The following FLNB variants were observed in gnomAD, a reference collection of about 807,000 sequenced individuals.
FLNB encodes filamin B, also known as filamin-B.
Under a neutral mutation model 250.6 loss-of-function variants are expected in FLNB, and 111 were observed. That is an observed-to-expected ratio of 0.44 (90% CI 0.38 to 0.52). FLNB has a LOEUF of 0.52. Ranked by LOEUF, FLNB falls within the 20% of genes least tolerant of loss-of-function variation. FLNB has a pLI of 0.00. For synonymous variants in FLNB, 1,302 were observed against 1,372.1 expected, an observed-to-expected ratio of 0.95 and a Z score of 1.13; for missense variants, 2,869 against 3,447.8, an observed-to-expected ratio of 0.83 and a Z score of 4.20.
At chr3:58,011,213 G>T (rs529451568) in intron 1 of FLNB, among the ~76,000 whole-genome samples, 1 of 152,052 alleles carries the variant, frequency 6.6e-6, no homozygotes, top group East Asian at 1.9e-4. Context: ...CGCCCAGCCC[G>T]GTCCTCCTTT....
intron 28 of FLNB, among the ~76,000 whole-genome samples, chr3:58,137,229 G>A (rs1219977046): frequency 1.3e-5 from 2 of 152,218 alleles, no homozygotes; most frequent in East Asian, 3.8e-4. Context: ...CGGCAAGGTT[G>A]TGAATTGCTC....
At chr3:58,160,597 G>T (rs72884437) in intron 42 of FLNB, among the ~76,000 whole-genome samples, 3,581 of 152,306 alleles carry the variant, frequency 0.024, 141 homozygotes, top group African/African-American at 0.082. Flanking sequence ...CTCAGAGGAG[G>T]TGACATTTGA....
intron 4 of FLNB, among the ~76,000 whole-genome samples, chr3:58,090,600 G>T (rs969912694): frequency 1.3e-5 from 2 of 152,026 alleles, no homozygotes; most frequent in Admixed American, 1.3e-4. Context: ...GAATTTTTTG[G>T]CTCTATTTAT....
intron 1 of FLNB, among the ~76,000 whole-genome samples, chr3:58,064,007 T>C (rs1222353348): frequency 1.3e-5 from 2 of 152,168 alleles, no homozygotes. Context: ...TGTCTTGCCC[T>C]GTGGAGACAC....
chr3:58,086,462 CT>C (rs10706044), intron 4 of FLNB, among the ~76,000 whole-genome samples: 64,673 of 151,846 alleles, frequency 0.43, 15,270 homozygotes, highest in East Asian at 0.92. Flanking sequence ...TATTTCTAGC[CT>C]TTTTTCTATG....
chr3:58,099,066 C>T (rs534196340), intron 8 of FLNB, among the ~76,000 whole-genome samples, 158 bp downstream of exon 8: 59 of 152,236 alleles, frequency 3.9e-4, no homozygotes, highest in African/African-American at 1.4e-3. Flanking sequence ...ACTTTGTCCT[C>T]AATATATTAA....
intron 1 of FLNB, among the ~76,000 whole-genome samples, chr3:58,064,655 G>T (rs2097182998): frequency 6.6e-6 from 1 of 151,936 alleles, no homozygotes; most frequent in African/African-American, 2.4e-5. Context: ...GAATAGCTCT[G>T]TGCCAAGCAG....
intron 4 of FLNB, among the ~76,000 whole-genome samples, chr3:58,083,206 T>G (rs1254335531): frequency 6.6e-6 from 1 of 151,888 alleles, no homozygotes; most frequent in Non-Finnish European, 1.5e-5. Flanking sequence ...TATTTCTCTT[T>G]AGACTCTTTT....
At chr3:58,092,950 ACTAT>A (rs1423381060) in intron 4 of FLNB, among the ~76,000 whole-genome samples, 2 of 152,162 alleles carry the variant, frequency 1.3e-5, no homozygotes, top group Non-Finnish European at 2.9e-5. Context: ...CAATTCTGAC[ACTAT>A]CTACCTGAAG....
At chr3:58,113,016 T>G (rs965283687) in intron 18 of FLNB, among the ~76,000 whole-genome samples, 2 of 152,120 alleles carry the variant, frequency 1.3e-5, no homozygotes, top group South Asian at 4.2e-4. Context: ...TTAAAAACAT[T>G]AAAAAAAATT....
chr3:58,168,266 C>T (rs1026508489), intron 43 of FLNB, among the ~76,000 whole-genome samples, 174 bp from the exon 44 acceptor site: 10 of 152,230 alleles, frequency 6.6e-5, no homozygotes, highest in African/African-American at 1.9e-4. Flanking sequence ...GCCCCCACCC[C>T]GCAGGGCCTG....
In FLNB at chr3:58,169,566, G is replaced by A. The variant is rs1432446761; in HGVS notation, c.7418-24G>A. The stretch of plus-strand genomic sequence containing the variant: ...CCTCTTGATCTGGCCATTCATGCCT[G>A]TCCCCCTCCCTCCTGTATCTTAGGC... On this transcript the variant is annotated intron_variant, in intron 44 of 45. Transcript: ENST00000295956. This position sits in a 1 kb window ranked among gnomAD's most constrained non-coding sequence, Gnocchi z 4.8. 1 of 1,599,454 alleles carries A rather than the reference G, an allele frequency of 6.3e-7. No homozygotes were observed. The highest frequency in any genetic ancestry group is 8.6e-7 in the Non-Finnish European group (1 of 1,166,610).
Position 58,169,422 on chromosome 3 carries a change from T to C in FLNB, c.7418-168T>C. On this transcript the variant is annotated intron_variant, in intron 44 of 45. Transcript: ENST00000295956. This position sits in a 1 kb window ranked among gnomAD's most constrained non-coding sequence, Gnocchi z 4.8. The stretch of plus-strand genomic sequence containing the variant: ...TCCTAGTTGTATGGGGGTGGGATCC[T>C]AGGGGTTTAGAAGACATTATGGGTG... 1.5e-6 allele frequency: 1 copy of C among 668,596 alleles called. No individual in the cohort carries two copies. Among genetic ancestry groups the C allele is most frequent in the South Asian group, 1.6e-5 (1 of 63,768 alleles). The allele number at this position is 668,596 out of a possible 1,614,324, so 41.4% of individuals were successfully genotyped here. A position where few individuals can be genotyped will look rare whatever the true frequency, so the allele number is the denominator to read the frequency against.
At chr3:58,048,673 G>A (rs917189222) in intron 1 of FLNB, among the ~76,000 whole-genome samples, 1 of 152,158 alleles carries the variant, frequency 6.6e-6, no homozygotes, top group East Asian at 1.9e-4. Flanking sequence ...ATTGTAATTG[G>A]TAAGTAATCT....
intron 1 of FLNB, among the ~76,000 whole-genome samples, chr3:58,010,991 T>G (rs1235350192): frequency 6.6e-6 from 1 of 152,172 alleles, no homozygotes; most frequent in African/African-American, 2.4e-5. Context: ...CTCTGCTCAC[T>G]GCAACCTCCA....
At chr3:58,096,384 A>G (rs183146335) in intron 6 of FLNB, among the ~76,000 whole-genome samples, 166 bp downstream of exon 6, 6 of 152,354 alleles carry the variant, frequency 3.9e-5, no homozygotes, top group Non-Finnish European at 7.3e-5. Flanking sequence ...GATTCCCTCT[A>G]CTAGCTAGGA....
intron 18 of FLNB, among the ~76,000 whole-genome samples, chr3:58,116,624 G>A (rs1036612289): frequency 1.3e-5 from 2 of 152,306 alleles, no homozygotes; most frequent in African/African-American, 2.4e-5. Context: ...AGTAGAGCGC[G>A]TTTTGCCTTA....
rs1484291984 is a variant in FLNB, at chr3:58,125,656, G to T, written c.3974G>T (p.Gly1325Val). Residue 1325 changes from glycine (G) to valine (V), a missense_variant, in exon 23 of 46, where the codon GGC (glycine) becomes GTC (valine). By Grantham distance (109) the Gly-to-Val change is moderately radical. Coordinates refer to ENST00000295956, the MANE Select transcript of FLNB (RefSeq NM_001457.4). ...CCCTTCAAGGTGGCTGTCACTGAAGGCTGCCAGCCATCTAGGGTGCAAGCC... is the reference window on the plus strand; with the variant it reads ...CCCTTCAAGGTGGCTGTCACTGAAGTCTGCCAGCCATCTAGGGTGCAAGCC... ...NSPFKVAVTE[G>V]CQPSRVQAQG... is the part of the protein sequence containing the mutation. The T allele has an allele frequency of 1.2e-6, 2 of 1,613,982 alleles. No individual in the cohort carries two copies. The highest frequency in any genetic ancestry group is 1.3e-5 in the African/African-American group (1 of 74,916).
At chr3:58,056,731 C>T (rs2097171220) in intron 1 of FLNB, among the ~76,000 whole-genome samples, 1 of 151,796 alleles carries the variant, frequency 6.6e-6, no homozygotes, top group Non-Finnish European at 1.5e-5. Flanking sequence ...GCTAGAATTA[C>T]AGGCGTGCTC....
Sources: allele counts gnomAD v4.1 joint callset (sites outside exome capture counted in the v4.1 genomes callset), GRCh38; gene constraint gnomAD v4.1.1; non-coding constraint Gnocchi (gnomAD v3.1); transcripts MANE v1.5; gene names NCBI Gene and HGNC (gene_info 2026-07-23, HGNC 2026-07-21).